The following ZDHHC11B variants were observed in gnomAD, a reference collection of about 807,000 sequenced individuals.
ZDHHC11B encodes the protein probable palmitoyltransferase ZDHHC11B.
Under a neutral mutation model 42.3 loss-of-function variants are expected in ZDHHC11B, and 17 were observed. The ratio of observed to expected loss-of-function variants is 0.40; its 90% confidence interval spans 0.27 to 0.60. ZDHHC11B has a LOEUF of 0.60. Among genes scored for constraint, ZDHHC11B ranks in the 20% least tolerant of loss-of-function variants. ZDHHC11B has a pLI of 0.41. For missense variants in ZDHHC11B, 262 were observed against 463.2 expected (o/e 0.57, Z 3.99); for synonymous variants, 123 against 193.5 (o/e 0.64, Z 3.02).
At chr5:776,353 C>T (rs1304842477) in intron 1 of ZDHHC11B, among the ~76,000 whole-genome samples, 1 of 151,860 alleles carries the variant, frequency 6.6e-6, no homozygotes, top group Non-Finnish European at 1.5e-5. Flanking sequence ...TCCATCATGA[C>T]CTGGACCCAG....
At chr5:783,286 G>A (rs1179326211) in intron 1 of ZDHHC11B, among the ~76,000 whole-genome samples, 2 of 152,260 alleles carry the variant, frequency 1.3e-5, no homozygotes, top group Non-Finnish European at 2.9e-5. Flanking sequence ...GGCACCGAGC[G>A]GCTGACAGGC....
chr5:742,580 G>A (rs113865313), intron 9 of ZDHHC11B, among the ~76,000 whole-genome samples: 4,955 of 145,758 alleles, frequency 0.034, 269 homozygotes, highest in African/African-American at 0.12. Context: ...CACTTCAAGC[G>A]TCTGTGTAAG....
chr5:778,135 G>A (rs1206802981), intron 1 of ZDHHC11B, among the ~76,000 whole-genome samples: 3 of 151,906 alleles, frequency 2.0e-5, no homozygotes, highest in Non-Finnish European at 4.4e-5. Context: ...TGAGATGGCT[G>A]TCCAAGGCCC....
intron 12 of ZDHHC11B, among the ~76,000 whole-genome samples, 162 bp from the exon 13 acceptor site, chr5:717,027 G>A (rs1158764458): frequency 9.2e-5 from 14 of 151,830 alleles, no homozygotes; most frequent in Non-Finnish European, 1.5e-5. Flanking sequence ...CTTCATTTTT[G>A]TGAAGACAGT....
At chr5:761,693 C>A (rs1345471823) in intron 4 of ZDHHC11B, among the ~76,000 whole-genome samples, 1 of 151,876 alleles carries the variant, frequency 6.6e-6, no homozygotes, top group African/African-American at 2.4e-5. Context: ...GCCTTAGAAC[C>A]CCATGGAACC....
At chr5:772,351 G>A (rs1170126231) in intron 1 of ZDHHC11B, among the ~76,000 whole-genome samples, 1 of 146,546 alleles carries the variant, frequency 6.8e-6, no homozygotes, top group African/African-American at 2.4e-5. Flanking sequence ...GGGCCGTGGG[G>A]GAGAGGGCAG....
rs563913103 is a variant in ZDHHC11B at position 773,032 on chromosome 5, C to A, written c.-229-4102G>T. ...TGGGTCTGGAGGAGCAGGACACGGGCCACACACACAGATCAGGAGCGGAGA... is the reference window on the plus strand; with the variant it reads ...TGGGTCTGGAGGAGCAGGACACGGGACACACACACAGATCAGGAGCGGAGA... On this transcript the variant is annotated intron_variant, in intron 1 of 13. Coordinates refer to ENST00000508859, the MANE Select transcript of ZDHHC11B (RefSeq NM_001351303.2). Among the ~76,000 whole-genome samples, 3 of 152,062 alleles carry A rather than the reference C, an allele frequency of 2.0e-5. No individual in the cohort carries two copies. In the East Asian group the frequency reaches 5.8e-4, roughly 29 times the overall value.
intron 3 of ZDHHC11B, 139 bp downstream of exon 3, chr5:767,253 A>G: frequency 9.4e-7 from 1 of 1,065,594 alleles, no homozygotes; most frequent in Non-Finnish European, 1.4e-6. Context: ...ACTGAAAGCA[A>G]CGGGAAGACC....
chr5:772,675 C>G (rs1579451689), intron 1 of ZDHHC11B, among the ~76,000 whole-genome samples: 1 of 151,862 alleles, frequency 6.6e-6, no homozygotes, highest in Non-Finnish European at 1.5e-5. Context: ...GGGCTGAGAA[C>G]CAGGCCCAGG....
intron 13 of ZDHHC11B, among the ~76,000 whole-genome samples, chr5:715,621 T>G (rs1741690705): frequency 6.6e-6 from 1 of 151,776 alleles, no homozygotes; most frequent in Non-Finnish European, 1.5e-5. Context: ...TGTCTCCAAT[T>G]ATGATTTTGA....
chr5:743,219 A>G (rs1357375999), intron 9 of ZDHHC11B, among the ~76,000 whole-genome samples: 1 of 148,868 alleles, frequency 6.7e-6, no homozygotes, highest in South Asian at 2.3e-4. Flanking sequence ...CCATTTCTCT[A>G]TATCTGTCTC....
intron 1 of ZDHHC11B, among the ~76,000 whole-genome samples, chr5:774,829 G>C (rs544532835): frequency 1.6e-4 from 25 of 152,016 alleles, no homozygotes; most frequent in Non-Finnish European, 3.2e-4. Flanking sequence ...TCTCTCACTA[G>C]GGCCAGCTGC....
chr5:718,988 C>T (rs1339854321), intron 12 of ZDHHC11B, among the ~76,000 whole-genome samples: 2 of 151,830 alleles, frequency 1.3e-5, no homozygotes, highest in African/African-American at 4.9e-5. Context: ...CAGCAGCAAC[C>T]ATTGGAAGAT....
At chr5:745,798 T>C (rs1744736075) in intron 8 of ZDHHC11B, among the ~76,000 whole-genome samples, 1 of 149,776 alleles carries the variant, frequency 6.7e-6, no homozygotes. Context: ...GACCCCACAG[T>C]CGGAGGACCA....
chr5:717,264 T>C (rs1741822206), intron 12 of ZDHHC11B, among the ~76,000 whole-genome samples: 1 of 151,726 alleles, frequency 6.6e-6, no homozygotes. Flanking sequence ...GTTCTTGCTA[T>C]CGTGGAGCCT....
At chr5:756,870 T>C (rs1411119963) in intron 4 of ZDHHC11B, among the ~76,000 whole-genome samples, 3 of 151,500 alleles carry the variant, frequency 2.0e-5, no homozygotes, top group African/African-American at 4.9e-5. Context: ...CCTAGACTCA[T>C]TCAGGGACCC....
chr5:771,480 G>A (rs1268062091), intron 1 of ZDHHC11B, among the ~76,000 whole-genome samples: 1 of 150,650 alleles, frequency 6.6e-6, no homozygotes, highest in African/African-American at 2.4e-5. Context: ...AGGACCGCGT[G>A]GGGGCAGGAT....
Position 771,267 on chromosome 5 carries a change from T to C in ZDHHC11B, c.-229-2337A>G, listed in dbSNP as rs1198783595. On this transcript the variant is annotated intron_variant, in intron 1 of 13. Transcript: ENST00000508859. ...GTCCTGAGTGTGGCCCCTGCTGAAC[T>C]TGAGATCCCACAAATTCCCCCAAAA... Among the ~76,000 whole-genome samples the C allele has an allele frequency of 7.2e-5, 11 of 151,808 alleles. No individual in the cohort carries two copies. In the South Asian group the frequency reaches 1.5e-3, roughly 20 times the overall value.
At chr5:720,006 T>G (rs1024897559) in intron 12 of ZDHHC11B, among the ~76,000 whole-genome samples, 2 of 151,882 alleles carry the variant, frequency 1.3e-5, no homozygotes, top group African/African-American at 2.4e-5. Flanking sequence ...AAAAACATAG[T>G]GTATACAGGG....
Sources: gnomAD v4.1 joint callset for allele counts (sites outside exome capture counted in the v4.1 genomes callset) on GRCh38, gnomAD v4.1.1 for gene constraint, MANE v1.5 for transcripts, NCBI Gene and HGNC (gene_info 2026-07-23, HGNC 2026-07-21) for gene names.